The following ZCCHC7 variants were observed in gnomAD, a reference collection of about 807,000 sequenced individuals.
ZCCHC7 encodes the protein zinc finger CCHC-type containing 7, also known as zinc finger CCHC domain-containing protein 7.
In ZCCHC7, 35 loss-of-function variants were observed where a neutral mutation model predicts 52.0. The observed-to-expected ratio is 0.67, with a 90% CI of 0.51 to 0.89. The LOEUF (loss-of-function observed/expected upper bound fraction) is 0.89. ZCCHC7 is among the 40% of genes least tolerant of loss of function. The pLI is 0.00. For synonymous variants in ZCCHC7, 217 were observed against 221.5 expected (o/e 0.98, Z 0.18); for missense variants, 574 against 649.1 (o/e 0.88, Z 1.26).
chr9:37,303,026 G>A (rs568068516), intron 3 of ZCCHC7, among the ~76,000 whole-genome samples: 2 of 152,288 alleles, frequency 1.3e-5, no homozygotes, highest in East Asian at 1.9e-4. Flanking sequence ...TTGGGTAGCT[G>A]TACTAACTTT....
At chr9:37,120,450 C>T (rs553785334), upstream of ZCCHC7, 3 of 397,216 alleles carry the variant, frequency 7.6e-6, no homozygotes, top group East Asian at 3.6e-5. Flanking sequence ...GCACATCAGG[C>T]GCGGCAGGTG....
intron 2 of ZCCHC7, among the ~76,000 whole-genome samples, chr9:37,275,540 T>C (rs1396141435): frequency 2.6e-5 from 4 of 152,184 alleles, no homozygotes; most frequent in African/African-American, 9.6e-5. Flanking sequence ...TTAATATGCA[T>C]GTTTTGGGTT....
chr9:37,206,142 G>A (rs537094473), intron 2 of ZCCHC7, among the ~76,000 whole-genome samples: 3 of 152,104 alleles, frequency 2.0e-5, no homozygotes, highest in Admixed American at 2.0e-4. Context: ...GTTTTGTGTG[G>A]AAAGCATGTA....
chr9:37,169,952 A>G (rs1346304886), intron 2 of ZCCHC7, among the ~76,000 whole-genome samples: 1 of 152,008 alleles, frequency 6.6e-6, no homozygotes, highest in African/African-American at 2.4e-5. Flanking sequence ...AGTCCCAGCT[A>G]CTCAAGAGGC....
At chr9:37,344,110 C>T (rs1371513361) in intron 6 of ZCCHC7, among the ~76,000 whole-genome samples, 3 of 152,068 alleles carry the variant, frequency 2.0e-5, no homozygotes, top group South Asian at 2.1e-4. Flanking sequence ...CCCAGGAGTT[C>T]GAGACCAGCC....
chr9:37,262,901 G>C (rs1826934192), intron 2 of ZCCHC7, among the ~76,000 whole-genome samples: 1 of 152,102 alleles, frequency 6.6e-6, no homozygotes, highest in South Asian at 2.1e-4. Flanking sequence ...AAATTCTTGA[G>C]ATTTACTTAG....
chr9:37,133,328 A>G (rs544543493), intron 2 of ZCCHC7, among the ~76,000 whole-genome samples: 50 of 152,088 alleles, frequency 3.3e-4, no homozygotes, highest in African/African-American at 1.1e-3. Context: ...GAGAAGAAAA[A>G]TATACACGTT....
chr9:37,245,428 G>A (rs1216002182), intron 2 of ZCCHC7, among the ~76,000 whole-genome samples: 1 of 151,970 alleles, frequency 6.6e-6, no homozygotes, highest in African/African-American at 2.4e-5. Context: ...TATTAGATAA[G>A]CAAATAATTT....
intron 2 of ZCCHC7, among the ~76,000 whole-genome samples, chr9:37,301,009 G>C (rs1369381225): frequency 6.6e-6 from 1 of 151,808 alleles, no homozygotes; most frequent in Non-Finnish European, 1.5e-5. Context: ...CTTTTATTTT[G>C]CTGTTTTTGA....
intron 2 of ZCCHC7, among the ~76,000 whole-genome samples, chr9:37,155,506 T>C (rs1164107544): frequency 1.3e-5 from 2 of 152,224 alleles, no homozygotes; most frequent in Non-Finnish European, 2.9e-5. Flanking sequence ...TAGTAAATGG[T>C]TTTGAATTCT....
rs1422877289 is a variant in ZCCHC7 at position 37,357,606 on chromosome 9, A to G, written c.*338A>G. On this transcript the variant is annotated 3_prime_UTR_variant, in exon 9 of 9. Transcript: ENST00000336755. ...AAAAAAACTGCATCAAAGGTAATTT[A>G]TCCTCAAATTAAATCCTTGCAGGAA... The G allele has an allele frequency of 6.0e-6, 1 of 166,550 alleles. No homozygotes were observed. Among genetic ancestry groups the G allele is most frequent in the East Asian group, 1.6e-4 (1 of 6,314 alleles). The allele number at this position is 166,550 out of a possible 1,614,324, so 10.3% of individuals were successfully genotyped here. A position where few individuals can be genotyped will look rare whatever the true frequency, so the allele number is the denominator to read the frequency against.
chr9:37,252,496 A>G (rs559668453), intron 2 of ZCCHC7, among the ~76,000 whole-genome samples: 16 of 152,118 alleles, frequency 1.1e-4, no homozygotes, highest in Non-Finnish European at 1.6e-4. Flanking sequence ...CATCCCTTCT[A>G]TTGTCCCCCG....
At chr9:37,280,176 G>A (rs10973287) in intron 2 of ZCCHC7, among the ~76,000 whole-genome samples, 20,640 of 152,022 alleles carry the variant, frequency 0.14, 1,716 homozygotes, top group Non-Finnish European at 0.17. Context: ...AGATAAAAGG[G>A]TCAAGTAAAC....
intron 2 of ZCCHC7, among the ~76,000 whole-genome samples, chr9:37,192,713 C>T (rs528468227): frequency 1.2e-4 from 19 of 152,252 alleles, no homozygotes; most frequent in East Asian, 3.9e-4. Context: ...GGAATCTGTA[C>T]GGCAGTCCTT....
rs540138543 is a variant in ZCCHC7, at chr9:37,164,506, C to CA, written c.610+37566dup. 1.7e-4 allele frequency among the ~76,000 whole-genome samples: 24 copies of CA among 143,668 alleles called. No homozygotes were observed. In the East Asian group the frequency reaches 4.9e-3, roughly 29 times the overall value. The allele number at this position is 143,668 out of a possible 152,430, so 94.3% of individuals were successfully genotyped here. On this transcript the variant is annotated intron_variant, in intron 2 of 8. Transcript: ENST00000336755. ...ATAGATAGATAGATAGATAGACAGA[C>CA]AAGATAGATAGACTCTGTCTCAGAA...
At chr9:37,176,375 G>A (rs1052544273) in intron 2 of ZCCHC7, among the ~76,000 whole-genome samples, 27 of 152,204 alleles carry the variant, frequency 1.8e-4, no homozygotes, top group African/African-American at 6.5e-4. Context: ...GCCCAGTCTA[G>A]CCTCATTTGT....
At chr9:37,273,973 C>G (rs1827558634) in intron 2 of ZCCHC7, among the ~76,000 whole-genome samples, 1 of 152,072 alleles carries the variant, frequency 6.6e-6, no homozygotes, top group African/African-American at 2.4e-5. Flanking sequence ...AACCAGAACA[C>G]TTTTTATTGG....
chr9:37,313,277 G>C (rs1172399925), intron 5 of ZCCHC7, among the ~76,000 whole-genome samples: 1 of 151,606 alleles, frequency 6.6e-6, no homozygotes, highest in Non-Finnish European at 1.5e-5. Context: ...ATTTAACTGA[G>C]AGATCAGACT....
intron 2 of ZCCHC7, among the ~76,000 whole-genome samples, chr9:37,185,151 C>G (rs777233321): frequency 4.6e-5 from 7 of 152,158 alleles, no homozygotes; most frequent in Non-Finnish European, 8.8e-5. Context: ...CCAACAGTCT[C>G]TAGAGGTCGT....
Sources: gnomAD v4.1 joint callset for allele counts (sites outside exome capture counted in the v4.1 genomes callset) on GRCh38, gnomAD v4.1.1 for gene constraint, MANE v1.5 for transcripts, NCBI Gene and HGNC (gene_info 2026-07-23, HGNC 2026-07-21) for gene names.